The following SLC9D1 variants were observed in gnomAD, a reference collection of about 807,000 sequenced individuals.
The protein encoded by SLC9D1 is putative LAG1-interacting protein.
At chr13:113,495,792 C>T in the SLC9D1 span, 139,884 of 1,613,948 alleles carry the variant, frequency 0.087, 9,225 homozygotes, top group Admixed American at 0.34. Flanking sequence ...TCTGAACAAA[C>T]TGAAAACTGC....
chr13:113,531,799 A>G, the SLC9D1 span, among the ~76,000 whole-genome samples: 2 of 152,266 alleles, frequency 1.3e-5, no homozygotes, highest in Non-Finnish European at 2.9e-5. Flanking sequence ...GTCAGAGTTG[A>G]GCGCACTGTG....
chr13:113,519,347 CTTT>C, the SLC9D1 span, among the ~76,000 whole-genome samples: 2 of 136,032 alleles, frequency 1.5e-5, no homozygotes, highest in Admixed American at 7.3e-5. Context: ...CGCCCAGCCG[CTTT>C]TTTTTTTTTT....
the SLC9D1 span, among the ~76,000 whole-genome samples, chr13:113,518,088 T>G: frequency 6.6e-6 from 1 of 152,244 alleles, no homozygotes; most frequent in South Asian, 2.1e-4. Context: ...AAAATGCTTA[T>G]AGTAGTGATA....
At chr13:113,502,025 G>A in the SLC9D1 span, 1 of 667,178 alleles carries the variant, frequency 1.5e-6, no homozygotes, top group Non-Finnish European at 2.5e-6. Flanking sequence ...GGTGTCACGG[G>A]AAGTCTCTGA....
chr13:113,549,328 C>A, the SLC9D1 span: 5 of 1,357,664 alleles, frequency 3.7e-6, no homozygotes, highest in Non-Finnish European at 5.1e-6. Flanking sequence ...GCTTTGCAGG[C>A]GTCCCTCCCA....
the SLC9D1 span, chr13:113,501,806 A>G: frequency 1.3e-5 from 21 of 1,610,082 alleles, no homozygotes; most frequent in East Asian, 4.7e-4. Flanking sequence ...ATGTACAGCC[A>G]TAGGATTGCC....
At chr13:113,493,921 C>G in the SLC9D1 span, among the ~76,000 whole-genome samples, 2 of 152,210 alleles carry the variant, frequency 1.3e-5, no homozygotes, top group African/African-American at 4.8e-5. Context: ...AGGTTTGTCT[C>G]TTTCTGTGGC....
At chr13:113,523,695 C>T in the SLC9D1 span, among the ~76,000 whole-genome samples, 2 of 152,062 alleles carry the variant, frequency 1.3e-5, no homozygotes, top group African/African-American at 4.8e-5. Flanking sequence ...TTTCTAGGTT[C>T]TTATGGTTTA....
the SLC9D1 span, among the ~76,000 whole-genome samples, chr13:113,523,609 A>G: frequency 1.3e-5 from 2 of 151,938 alleles, no homozygotes; most frequent in African/African-American, 4.8e-5. Flanking sequence ...GATTTTCTTT[A>G]TTTTGTTGTT....
chr13:113,518,689 G>A, the SLC9D1 span, among the ~76,000 whole-genome samples: 92 of 152,260 alleles, frequency 6.0e-4, no homozygotes, highest in African/African-American at 2.1e-3. Context: ...ACAAGCCCAT[G>A]CGAGCCTTAG....
the SLC9D1 span, chr13:113,499,810 A>T: frequency 2.2e-6 from 1 of 446,324 alleles, no homozygotes; most frequent in African/African-American, 2.0e-5. Context: ...CCATTCTTAA[A>T]TTACTTCTTT....
the SLC9D1 span, chr13:113,510,524 C>G: frequency 8.9e-7 from 1 of 1,120,178 alleles, no homozygotes; most frequent in South Asian, 1.5e-5. Flanking sequence ...ATTGCAAAGT[C>G]TTATTTCCCC....
the SLC9D1 span, among the ~76,000 whole-genome samples, chr13:113,497,729 C>T: frequency 1.8e-4 from 28 of 152,218 alleles, no homozygotes; most frequent in African/African-American, 5.5e-4. Context: ...GTAATTGAGG[C>T]GATGATGTTC....
chr13:113,532,796 G>A, the SLC9D1 span, among the ~76,000 whole-genome samples: 3 of 149,316 alleles, frequency 2.0e-5, no homozygotes, highest in African/African-American at 4.9e-5. Context: ...AGTCGCAGAC[G>A]TGGGCCCTGC....
chr13:113,518,482 A>G, the SLC9D1 span, among the ~76,000 whole-genome samples: 1 of 152,238 alleles, frequency 6.6e-6, no homozygotes, highest in Admixed American at 6.5e-5. Flanking sequence ...TGCTGGCAGT[A>G]ATATCATCAA....
At chr13:113,549,227 G>A in the SLC9D1 span, among the ~76,000 whole-genome samples, 1 of 151,010 alleles carries the variant, frequency 6.6e-6, no homozygotes, top group Non-Finnish European at 1.5e-5. Context: ...CCCAGCACTC[G>A]GCATGACCGC....
At chr13:113,537,389 G>A in the SLC9D1 span, among the ~76,000 whole-genome samples, 4 of 152,234 alleles carry the variant, frequency 2.6e-5, no homozygotes, top group South Asian at 2.1e-4. Context: ...GCTTCTGGCC[G>A]TGTCGCGTGG....
At chr13:113,498,668 T>A in the SLC9D1 span, 2 of 637,322 alleles carry the variant, frequency 3.1e-6, no homozygotes, top group African/African-American at 2.0e-5. Context: ...GAGAAAATAA[T>A]TTGGTCTTGT....
At chr13:113,499,560 G>A in the SLC9D1 span, among the ~76,000 whole-genome samples, 1 of 152,154 alleles carries the variant, frequency 6.6e-6, no homozygotes. Flanking sequence ...GAAAAAAAGT[G>A]GGACTGATGA....
Sources: allele counts gnomAD v4.1 joint callset (sites outside exome capture counted in the v4.1 genomes callset), GRCh38; gene constraint gnomAD v4.1.1; transcripts MANE v1.5; gene names NCBI Gene and HGNC (gene_info 2026-07-23, HGNC 2026-07-21).